Variants in RBMS3 observed in about 807,000 individuals in gnomAD.
RBMS3 encodes the protein RNA-binding motif, single-stranded-interacting protein 3.
A neutral mutation model predicts 66.8 loss-of-function variants in RBMS3; 27 were observed. The observed-to-expected ratio is 0.40, with a 90% CI of 0.30 to 0.56. The LOEUF is 0.56. RBMS3 is among the 20% of genes least tolerant of loss of function. RBMS3 has a pLI of 0.40. For synonymous variants in RBMS3, 188 were observed against 183.0 expected (o/e 1.03, Z -0.22); for missense variants, 513 against 549.5 (o/e 0.93, Z 0.66).
At position 29,549,690 on chromosome 3, in the gene RBMS3, G is replaced by A. The variant is rs1240078596; in HGVS notation, c.308-37424G>A. On this transcript the variant is annotated intron_variant, in intron 3 of 14. Coordinates refer to ENST00000383767, the MANE Select transcript of RBMS3 (RefSeq NM_001003793.3). ...GCTGGGATTACAGGCATGAGCCACC[G>A]TGGATTGATTTTTAAAAACATTAAC... Among the ~76,000 whole-genome samples the A allele has an allele frequency of 4.6e-5, 7 of 152,064 alleles. No homozygotes were observed. In the East Asian group the frequency reaches 9.7e-4, roughly 21 times the overall value.
At chr3:29,832,502 A>AAGG (rs2058396533) in intron 6 of RBMS3, among the ~76,000 whole-genome samples, 1 of 38,282 alleles carries the variant, frequency 2.6e-5, no homozygotes, top group Non-Finnish European at 7.4e-5. Context: ...TGAAGGGAAT[A>AAGG]AGAACGGTTT....
chr3:29,347,369 G>C (rs889028901), intron 1 of RBMS3, among the ~76,000 whole-genome samples: 4 of 152,160 alleles, frequency 2.6e-5, no homozygotes, highest in African/African-American at 9.6e-5. Context: ...TTAATAAATA[G>C]GTTTCATTCG....
chr3:29,535,249 G>A (rs2045509942), intron 3 of RBMS3, among the ~76,000 whole-genome samples: 1 of 152,044 alleles, frequency 6.6e-6, no homozygotes, highest in Admixed American at 6.5e-5. Flanking sequence ...TGCTAGAGAT[G>A]GTAATGACTA....
chr3:29,934,096 G>A (rs2061202533), intron 10 of RBMS3: 1 of 152,048 alleles, frequency 6.6e-6, no homozygotes, highest in South Asian at 2.1e-4. Context: ...ACGCAGTTTG[G>A]TTTTTATCTC....
At chr3:29,646,612 G>GT (rs11457821) in intron 4 of RBMS3, among the ~76,000 whole-genome samples, 17,017 of 147,050 alleles carry the variant, frequency 0.12, 1,092 homozygotes, top group East Asian at 0.31. Flanking sequence ...CAATTTTTAT[G>GT]TTTTTTTTTC....
intron 2 of RBMS3, among the ~76,000 whole-genome samples, chr3:29,481,326 TAAG>T (rs2043122888): frequency 6.6e-6 from 1 of 152,156 alleles, no homozygotes. Flanking sequence ...GCCACTTACA[TAAG>T]AACTTGAGAA....
intron 2 of RBMS3, among the ~76,000 whole-genome samples, chr3:29,453,998 T>C (rs1459184814): frequency 6.6e-6 from 1 of 152,296 alleles, no homozygotes; most frequent in Admixed American, 6.5e-5. Context: ...GTAATGATAG[T>C]AGCAATAGGT....
intron 1 of RBMS3, among the ~76,000 whole-genome samples, chr3:29,410,913 G>T (rs989410283): frequency 2.0e-5 from 3 of 150,192 alleles, no homozygotes; most frequent in Non-Finnish European, 2.9e-5. Flanking sequence ...TGGCAAGCTT[G>T]CCTATTAAGG....
At chr3:29,740,040 C>A in intron 5 of RBMS3, 163 bp downstream of exon 5, 1 of 510,402 alleles carries the variant, frequency 2.0e-6, no homozygotes, top group Non-Finnish European at 3.2e-6. Context: ...TTGCTTGGAG[C>A]TAAATAATTT....
At chr3:29,821,927 A>G (rs1210055297) in intron 6 of RBMS3, among the ~76,000 whole-genome samples, 1 of 152,196 alleles carries the variant, frequency 6.6e-6, no homozygotes, top group African/African-American at 2.4e-5. Context: ...AAAAGAAGTG[A>G]CCAGGAATAA....
intron 1 of RBMS3, among the ~76,000 whole-genome samples, chr3:29,286,318 C>A (rs1230996988): frequency 6.6e-6 from 1 of 151,908 alleles, no homozygotes; most frequent in African/African-American, 2.4e-5. Context: ...TTAACTCCCC[C>A]AAGCCTTCAT....
At chr3:29,509,581 T>C (rs2044320273) in intron 3 of RBMS3, among the ~76,000 whole-genome samples, 1 of 152,186 alleles carries the variant, frequency 6.6e-6, no homozygotes, top group African/African-American at 2.4e-5. Flanking sequence ...GTCATCCCTC[T>C]TTTATGCTGC....
At chr3:29,630,638 A>G (rs2049250576) in intron 4 of RBMS3, among the ~76,000 whole-genome samples, 1 of 152,014 alleles carries the variant, frequency 6.6e-6, no homozygotes, top group African/African-American at 2.4e-5. Flanking sequence ...AGATGTCATC[A>G]CTGGCATTTA....
chr3:29,915,260 T>C (rs745747328), intron 10 of RBMS3, among the ~76,000 whole-genome samples: 5 of 151,966 alleles, frequency 3.3e-5, no homozygotes, highest in Admixed American at 6.6e-5. Context: ...AACCGTGTTT[T>C]TCTCTAACGT....
chr3:29,904,432 T>G (rs2060327548), intron 10 of RBMS3, among the ~76,000 whole-genome samples: 1 of 152,120 alleles, frequency 6.6e-6, no homozygotes, highest in Middle Eastern at 3.4e-3. Flanking sequence ...TATGATTTGC[T>G]TTATTTTTCC....
intron 4 of RBMS3, among the ~76,000 whole-genome samples, chr3:29,604,048 C>A (rs1476210279): frequency 6.6e-6 from 1 of 151,910 alleles, no homozygotes; most frequent in Non-Finnish European, 1.5e-5. Flanking sequence ...TACTGCAATG[C>A]ATTAAATAGT....
chr3:29,491,897 G>A lies in RBMS3; in HGVS notation c.307+3398G>A, dbSNP rs553292555. ...AGTCCCAGCTACTTGGGAGGCTGAG[G>A]CAGGAGAATGGCGTGAACCCAGGAG... is the stretch of plus-strand genomic sequence containing the variant. On this transcript the variant is annotated intron_variant, in intron 3 of 14. Coordinates refer to ENST00000383767, the MANE Select transcript of RBMS3 (RefSeq NM_001003793.3). 2.0e-5 allele frequency among the ~76,000 whole-genome samples: 3 copies of A among 152,256 alleles called. No homozygotes were observed. In the East Asian group the frequency reaches 5.8e-4, roughly 30 times the overall value.
At chr3:29,886,438 AG>A in intron 8 of RBMS3, among the ~76,000 whole-genome samples, 1 of 151,836 alleles carries the variant, frequency 6.6e-6, no homozygotes, top group East Asian at 1.9e-4. Flanking sequence ...GCTAGGACAA[AG>A]GGAAGGCTAT....
chr3:29,392,314 A>G (rs1009400264), intron 1 of RBMS3, among the ~76,000 whole-genome samples: 1 of 152,208 alleles, frequency 6.6e-6, no homozygotes, highest in Non-Finnish European at 1.5e-5. Flanking sequence ...TATATAAAAC[A>G]TATACAAACC....
Sources: gnomAD v4.1 joint callset for allele counts (sites outside exome capture counted in the v4.1 genomes callset) on GRCh38, gnomAD v4.1.1 for gene constraint, MANE v1.5 for transcripts, NCBI Gene and HGNC (gene_info 2026-07-23, HGNC 2026-07-21) for gene names.